Variants in GOLGA3 observed in about 807,000 individuals in gnomAD.
GOLGA3 encodes golgin subfamily A member 3.
Under a neutral mutation model 169.4 loss-of-function variants are expected in GOLGA3, and 75 were observed. That is an observed-to-expected ratio of 0.44 (90% CI 0.37 to 0.54). The LOEUF is 0.54. GOLGA3 is among the 20% of genes least tolerant of loss of function. The probability of loss-of-function intolerance (pLI) is 0.00; values close to 1 mark genes in which losing one functional copy is unlikely to be tolerated. For missense variants in GOLGA3, 1,899 were observed against 1,930.0 expected (o/e 0.98, Z 0.30); for synonymous variants, 824 against 822.4 (o/e 1.00, Z -0.03).
chr12:132,783,030 T>C (rs2045693141), intron 16 of GOLGA3, among the ~76,000 whole-genome samples: 1 of 152,178 alleles, frequency 6.6e-6, no homozygotes, highest in African/African-American at 2.4e-5. Context: ...ACCCTGTCTC[T>C]ACCAAAACTA....
intron 1 of GOLGA3, among the ~76,000 whole-genome samples, chr12:132,823,535 C>T (rs903057210): frequency 1.3e-5 from 2 of 152,220 alleles, no homozygotes; most frequent in African/African-American, 4.8e-5. Flanking sequence ...CTTGTAATCC[C>T]AGCACTTTGG....
Position 132,772,978 on chromosome 12 carries a change from ACTT to A in GOLGA3, c.*124_*126del, listed in dbSNP as rs1566060828. The A allele has an allele frequency of 7.6e-6, 5 of 658,178 alleles. No individual in the cohort carries two copies. The South Asian group carries it at 8.3e-5, about 11-fold the overall frequency. 40.8% of individuals were successfully genotyped at this position (658,178 alleles called of 1,614,324 possible). On this transcript the variant is annotated 3_prime_UTR_variant, in exon 24 of 24. Coordinates refer to ENST00000450791, the MANE Select transcript of GOLGA3 (RefSeq NM_001389683.1). Reference sequence around the variant, plus strand: ...TGGCTCTCATTCTGCTATATATTTTACTTCTTGTTAAAGGCAAAACAAAACTTA... The same window carrying A: ...TGGCTCTCATTCTGCTATATATTTTACTTGTTAAAGGCAAAACAAAACTTA...
chr12:132,786,289 T>G (rs764697813), intron 15 of GOLGA3, 50 bp downstream of exon 15: 1 of 1,300,622 alleles, frequency 7.7e-7, no homozygotes, highest in Non-Finnish European at 1.1e-6. Context: ...AGCCCTTCCC[T>G]GCACTGAGGG....
At position 132,783,297 on chromosome 12, in the gene GOLGA3, T is replaced by C. The variant is rs568298654; in HGVS notation, c.3268-804A>G. Among the ~76,000 whole-genome samples, 4 of 152,368 alleles carry C rather than the reference T, an allele frequency of 2.6e-5. No homozygotes were observed. The East Asian group carries it at 5.8e-4, about 22-fold the overall frequency. On this transcript the variant is annotated intron_variant, in intron 16 of 23. Coordinates refer to ENST00000450791, the MANE Select transcript of GOLGA3 (RefSeq NM_001389683.1). ...GGCTGTCGTGGTCATGGTCAGTTGC[T>C]TCCCCAGGCCCCTCTCATTCCTCCC...
At chr12:132,779,183 G>A (rs545922525) in intron 18 of GOLGA3, among the ~76,000 whole-genome samples, 5 of 152,174 alleles carry the variant, frequency 3.3e-5, no homozygotes, top group South Asian at 2.1e-4. Flanking sequence ...TGGTTCAAGC[G>A]ATTCTCCTGC....
At position 132,813,426 on chromosome 12, in the gene GOLGA3, T is replaced by C; in HGVS notation, c.407-7A>G. 6.5e-7 allele frequency: 1 copy of C among 1,528,178 alleles called. No homozygotes were observed. Among genetic ancestry groups the C allele is most frequent in the Non-Finnish European group, 9.0e-7 (1 of 1,111,458 alleles). 94.7% of individuals were successfully genotyped at this position (1,528,178 alleles called of 1,614,324 possible). ...AGGGGAGAATCTGTAGAGCCTGCAGTGGGAAAAGGGCAATTTGGAAACTCA... is the reference window on the plus strand; with the variant it reads ...AGGGGAGAATCTGTAGAGCCTGCAGCGGGAAAAGGGCAATTTGGAAACTCA... On this transcript the variant is annotated splice_polypyrimidine_tract_variant and splice_region_variant and intron_variant, in intron 3 of 23. Transcript: ENST00000450791.
At chr12:132,806,622 T>A (rs1949418873) in intron 6 of GOLGA3, among the ~76,000 whole-genome samples, 1 of 152,174 alleles carries the variant, frequency 6.6e-6, no homozygotes, top group Admixed American at 6.5e-5. Flanking sequence ...ATTCTCACCC[T>A]CCCACGCCAG....
chr12:132,785,472 G>C (rs1233804980), intron 15 of GOLGA3, among the ~76,000 whole-genome samples: 1 of 152,082 alleles, frequency 6.6e-6, no homozygotes, highest in African/African-American at 2.4e-5. Context: ...TACCATGCCT[G>C]GGTTTTATTT....
intron 2 of GOLGA3, among the ~76,000 whole-genome samples, chr12:132,818,632 A>T (rs551071999): frequency 6.6e-6 from 1 of 152,334 alleles, no homozygotes; most frequent in South Asian, 2.1e-4. Context: ...AAAACCACAA[A>T]CACTTAAAAC....
In GOLGA3 at chr12:132,804,857, C is replaced by T. The variant is rs1181671252; in HGVS notation, c.1456G>A (p.Asp486Asn). 1.2e-6 allele frequency: 2 copies of T among 1,614,174 alleles called. No individual in the cohort carries two copies. Among genetic ancestry groups the T allele is most frequent in the South Asian group, 2.2e-5 (2 of 91,092 alleles). Residue 486 changes from aspartate (D) to asparagine (N), a missense_variant, in exon 7 of 24, where the codon GAC becomes AAC. Transcript: ENST00000450791. The surrounding 1 kb of genome is among the most constrained non-coding windows in gnomAD (Gnocchi z 4.1). The part of the protein sequence containing the change: ...SCWDLERAMT[D>N]LQNMLEAKNA... ...TTTGCCTCCAGCATGTTCTGCAGGT[C>T]AGTCATGGCTCGCTCCAGGTCCCAG...
intron 1 of GOLGA3, among the ~76,000 whole-genome samples, chr12:132,823,529 T>G (rs1021870678): frequency 3.3e-5 from 5 of 152,240 alleles, no homozygotes; most frequent in African/African-American, 1.2e-4. Flanking sequence ...CTCATGCTTG[T>G]AATCCCAGCA....
chr12:132,793,715 C>T (rs182762028), intron 11 of GOLGA3, among the ~76,000 whole-genome samples: 4 of 149,736 alleles, frequency 2.7e-5, no homozygotes, highest in African/African-American at 7.4e-5. Flanking sequence ...GAGGGCTCCA[C>T]ACAGACCCAC....
At chr12:132,789,389 CG>C (rs2046104756) in intron 12 of GOLGA3, 99 bp from the exon 13 acceptor site, 27 of 1,014,802 alleles carry the variant, frequency 2.7e-5, no homozygotes, top group Non-Finnish European at 3.8e-5. Context: ...TACCACTTAT[CG>C]GGGGCATAAC....
intron 7 of GOLGA3, among the ~76,000 whole-genome samples, chr12:132,803,548 C>A (rs565892306): frequency 5.3e-5 from 8 of 152,290 alleles, no homozygotes; most frequent in African/African-American, 1.9e-4. Context: ...CACAGGGCCC[C>A]AAACTACTTT....
chr12:132,822,217 G>A lies in GOLGA3; in HGVS notation c.-89C>T. On this transcript the variant is annotated 5_prime_UTR_variant, in exon 2 of 24. Coordinates refer to ENST00000450791, the MANE Select transcript of GOLGA3 (RefSeq NM_001389683.1). Reference sequence around the variant, plus strand: ...CTTCTGCCATCAGCAACAGCCAAGAGCTCCTGGGAGGGGCCCTACTGTGTC... The same window carrying A: ...CTTCTGCCATCAGCAACAGCCAAGAACTCCTGGGAGGGGCCCTACTGTGTC... 3 of 1,495,426 alleles carry A rather than the reference G, an allele frequency of 2.0e-6. No homozygotes were observed. Among genetic ancestry groups the A allele is most frequent in the Non-Finnish European group, 1.8e-6 (2 of 1,134,354 alleles). The allele number at this position is 1,495,426 out of a possible 1,614,324, so 92.6% of individuals were successfully genotyped here.
rs186932828 is a variant in GOLGA3 at position 132,793,771 on chromosome 12, A to G, written c.2469+2081T>C. Among the ~76,000 whole-genome samples, 182 of 150,022 alleles carry G rather than the reference A, an allele frequency of 1.2e-3. 1 individual carries two copies. Among genetic ancestry groups the G allele is most frequent in the African/African-American group, 4.2e-3 (170 of 40,150 alleles). The stretch of plus-strand genomic sequence containing the variant: ...AGGGCTCCATACAGACCCACGGCAC[A>G]GGACCTGCACTTGGAGGGTCCCGGA... On this transcript the variant is annotated intron_variant, in intron 11 of 23. Coordinates refer to ENST00000450791, the MANE Select transcript of GOLGA3 (RefSeq NM_001389683.1).
chr12:132,781,272 AAAG>A (rs1376829922), intron 17 of GOLGA3, among the ~76,000 whole-genome samples: 1 of 152,170 alleles, frequency 6.6e-6, no homozygotes, highest in Admixed American at 6.5e-5. Flanking sequence ...CTCAAAAAAA[AAAG>A]AATGGGCCGG....
Position 132,777,807 on chromosome 12 carries a change from T to C in GOLGA3, c.3583-2A>G. ...GGCTTCCACCTTGGCAGCAGCCACC[T>C]AGGAGGAAGGAAGCCACGTTGTCCA... On this transcript the variant is annotated splice_acceptor_variant, in intron 18 of 23. Transcript: ENST00000450791. LOFTEE classifies it high-confidence loss of function. The surrounding 1 kb of genome is among the most constrained non-coding windows in gnomAD (Gnocchi z 4.7). The C allele has an allele frequency of 6.2e-7, 1 of 1,613,390 alleles. No individual in the cohort carries two copies. Among genetic ancestry groups the C allele is most frequent in the South Asian group, 1.1e-5 (1 of 91,044 alleles).
chr12:132,819,356 C>T (rs887679494), intron 2 of GOLGA3, among the ~76,000 whole-genome samples: 6 of 152,004 alleles, frequency 3.9e-5, no homozygotes, highest in African/African-American at 1.2e-4. Flanking sequence ...GGCGAAACCC[C>T]GTCTCTACTA....
Sources: allele counts gnomAD v4.1 joint callset (sites outside exome capture counted in the v4.1 genomes callset), GRCh38; gene constraint gnomAD v4.1.1; non-coding constraint Gnocchi (gnomAD v3.1); transcripts MANE v1.5; gene names NCBI Gene and HGNC (gene_info 2026-07-23, HGNC 2026-07-21).